MEI4: variants seen among roughly 807,000 people sequenced by gnomAD.
MEI4 encodes meiosis-specific protein MEI4.
Under a neutral mutation model 31.4 loss-of-function variants are expected in MEI4, and 27 were observed. That is an observed-to-expected ratio of 0.86 (90% CI 0.63 to 1.19). MEI4 has a LOEUF of 1.19. MEI4 is among the 50% of genes most tolerant of loss of function. The pLI is 0.00. For missense variants in MEI4, 329 were observed against 398.9 expected (o/e 0.82, Z 1.49); for synonymous variants, 122 against 145.4 (o/e 0.84, Z 1.16).
intron 4 of MEI4, among the ~76,000 whole-genome samples, chr6:77,905,761 G>T (rs1211129268): frequency 6.7e-6 from 1 of 149,462 alleles, no homozygotes; most frequent in South Asian, 2.1e-4. Flanking sequence ...CTCCCAGAGT[G>T]CTGAGATTAC....
At position 77,868,499 on chromosome 6, in the gene MEI4, C is replaced by A. The variant is rs1771107693; in HGVS notation, c.900+39437C>A. 2.6e-4 allele frequency among the ~76,000 whole-genome samples: 16 copies of A among 61,722 alleles called. 1 individual carries two copies. Among genetic ancestry groups the A allele is most frequent in the South Asian group, 7.0e-4 (1 of 1,426 alleles). The allele number at this position is 61,722 out of a possible 152,430, so 40.5% of individuals were successfully genotyped here. A position where few individuals can be genotyped will look rare whatever the true frequency, so the allele number is the denominator to read the frequency against. On this transcript the variant is annotated intron_variant, in intron 4 of 4. Transcript: ENST00000684080. ...GGAAAAAACTTCCATGTAAAAAATA[C>A]TACATATATATATATATATATATAT... is the stretch of plus-strand genomic sequence containing the variant.
chr6:77,769,998 T>C (rs928804904), intron 3 of MEI4, among the ~76,000 whole-genome samples: 1 of 151,880 alleles, frequency 6.6e-6, no homozygotes. Context: ...GTCTTTATCT[T>C]GCAGCCTGGT....
Position 77,761,666 on chromosome 6 carries a change from G to T in MEI4, c.768+1G>T. ...TTTAGGAAACAATCATATAAATCAG[G>T]TGAGTAATAAATCCCTCTTTTATTC... On this transcript the variant is annotated splice_donor_variant, in intron 3 of 4. Transcript: ENST00000684080. LOFTEE classifies it high-confidence loss of function. The T allele has an allele frequency of 8.1e-7, 1 of 1,229,368 alleles. No individual in the cohort carries two copies. The highest frequency in any genetic ancestry group is 1.0e-6 in the Non-Finnish European group (1 of 985,660). 76.2% of individuals were successfully genotyped at this position (1,229,368 alleles called of 1,614,324 possible). A position where few individuals can be genotyped will look rare whatever the true frequency, so the allele number is the denominator to read the frequency against.
chr6:77,833,032 A>G (rs764281991), intron 4 of MEI4, among the ~76,000 whole-genome samples: 1 of 152,084 alleles, frequency 6.6e-6, no homozygotes, highest in Non-Finnish European at 1.5e-5. Context: ...TTACTTATGC[A>G]ATGTTGAAGA....
chr6:77,673,932 A>G (rs929915614), intron 1 of MEI4, among the ~76,000 whole-genome samples: 3 of 152,202 alleles, frequency 2.0e-5, no homozygotes, highest in African/African-American at 7.2e-5. Flanking sequence ...TTTTTGATGT[A>G]GTTTATATCT....
intron 4 of MEI4, among the ~76,000 whole-genome samples, chr6:77,882,237 C>G (rs916460310): frequency 1.3e-5 from 2 of 152,156 alleles, no homozygotes; most frequent in African/African-American, 4.8e-5. Context: ...GCATCACCCC[C>G]CCAGTGTATC....
chr6:77,894,732 T>G (rs1766044463), intron 4 of MEI4, among the ~76,000 whole-genome samples: 1 of 152,298 alleles, frequency 6.6e-6, no homozygotes, highest in Admixed American at 6.5e-5. Context: ...GGGTTTTGTA[T>G]CCACTGCTCC....
chr6:77,754,882 C>T (rs1767872158), intron 2 of MEI4, among the ~76,000 whole-genome samples: 1 of 152,112 alleles, frequency 6.6e-6, no homozygotes, highest in African/African-American at 2.4e-5. Flanking sequence ...AGTAACCACC[C>T]CCATGATCCA....
chr6:77,796,269 A>C (rs1769072136), intron 3 of MEI4, among the ~76,000 whole-genome samples: 1 of 152,298 alleles, frequency 6.6e-6, no homozygotes, highest in East Asian at 1.9e-4. Context: ...CTAACATCAT[A>C]CTCAGTGGTG....
chr6:77,751,296 C>G (rs1278355099), intron 2 of MEI4, among the ~76,000 whole-genome samples: 1 of 147,696 alleles, frequency 6.8e-6, no homozygotes, highest in Admixed American at 6.8e-5. Context: ...TAGAAACACA[C>G]AAAAAAAAAC....
chr6:77,739,171 AT>A (rs1164528180), intron 2 of MEI4, among the ~76,000 whole-genome samples: 1 of 151,986 alleles, frequency 6.6e-6, no homozygotes, highest in Non-Finnish European at 1.5e-5. Context: ...TATATCCTGA[AT>A]GGTATTGCCT....
intron 4 of MEI4, among the ~76,000 whole-genome samples, chr6:77,872,653 A>T (rs1254441804): frequency 5.3e-5 from 8 of 150,932 alleles, no homozygotes; most frequent in Non-Finnish European, 1.0e-4. Flanking sequence ...ATATGTATAC[A>T]TCTGCCATGC....
intron 3 of MEI4, among the ~76,000 whole-genome samples, chr6:77,813,225 C>A (rs953079117): frequency 1.3e-5 from 2 of 152,054 alleles, no homozygotes; most frequent in Admixed American, 1.3e-4. Context: ...TGCATGGTCC[C>A]ATTTTTGCTT....
chr6:77,743,023 G>T (rs963944555), intron 2 of MEI4, among the ~76,000 whole-genome samples: 1 of 151,998 alleles, frequency 6.6e-6, no homozygotes, highest in Non-Finnish European at 1.5e-5. Context: ...GGTTACTGTA[G>T]CCTTATAGTA....
At position 77,852,874 on chromosome 6, in the gene MEI4, T is replaced by C. The variant is rs148214306; in HGVS notation, c.900+23812T>C. Among the ~76,000 whole-genome samples, 20 of 152,210 alleles carry C rather than the reference T, an allele frequency of 1.3e-4. No homozygotes were observed. In the East Asian group the frequency reaches 3.9e-3, roughly 29 times the overall value. On this transcript the variant is annotated intron_variant, in intron 4 of 4. Transcript: ENST00000684080. ...CACAAACATTCAGACCATAAAACTATGTATAGGAAAAGAAATCAATAAAGC... is the reference window on the plus strand; with the variant it reads ...CACAAACATTCAGACCATAAAACTACGTATAGGAAAAGAAATCAATAAAGC...
At chr6:77,686,158 C>T (rs1051399630) in intron 1 of MEI4, among the ~76,000 whole-genome samples, 1 of 152,182 alleles carries the variant, frequency 6.6e-6, no homozygotes, top group African/African-American at 2.4e-5. Context: ...GAAGCAGAAG[C>T]TGGCACCGTG....
intron 3 of MEI4, among the ~76,000 whole-genome samples, chr6:77,806,959 A>G (rs1465151929): frequency 6.6e-6 from 1 of 152,140 alleles, no homozygotes; most frequent in Non-Finnish European, 1.5e-5. Flanking sequence ...AAAGCCTAAT[A>G]TATTTCGTAT....
intron 3 of MEI4, among the ~76,000 whole-genome samples, chr6:77,799,524 T>G (rs1561993668): frequency 2.0e-5 from 3 of 152,178 alleles, no homozygotes; most frequent in Non-Finnish European, 4.4e-5. Context: ...AAATTTGGCT[T>G]TTGTTGCCAT....
At chr6:77,702,643 C>G (rs1766249742) in intron 2 of MEI4, among the ~76,000 whole-genome samples, 1 of 152,152 alleles carries the variant, frequency 6.6e-6, no homozygotes. Flanking sequence ...TTGCCCCTTT[C>G]TAGTCTAAAT....
Sources: gnomAD v4.1 joint callset for allele counts (sites outside exome capture counted in the v4.1 genomes callset) on GRCh38, gnomAD v4.1.1 for gene constraint, MANE v1.5 for transcripts, NCBI Gene and HGNC (gene_info 2026-07-23, HGNC 2026-07-21) for gene names.